Variants in NRG3 observed in about 807,000 individuals in gnomAD.
NRG3 encodes neuregulin 3, also known as pro-neuregulin-3, membrane-bound isoform.
A neutral mutation model predicts 66.9 loss-of-function variants in NRG3; 31 were observed. That is an observed-to-expected ratio of 0.46 (90% CI 0.35 to 0.63). The LOEUF is 0.63. NRG3 is among the 20% of genes least tolerant of loss of function. NRG3 has a pLI of 0.00. For synonymous variants in NRG3, 393 were observed against 359.4 expected (o/e 1.09, Z -1.06); for missense variants, 910 against 878.9 (o/e 1.04, Z -0.45).
intron 4 of NRG3, among the ~76,000 whole-genome samples, chr10:82,881,504 T>C (rs1397968441): frequency 6.6e-6 from 1 of 152,154 alleles, no homozygotes; most frequent in African/African-American, 2.4e-5. Context: ...ATAATCAAGA[T>C]GTCTATCTTC....
intron 6 of NRG3, among the ~76,000 whole-genome samples, chr10:82,973,012 T>C (rs1851911520): frequency 6.6e-6 from 1 of 152,216 alleles, no homozygotes; most frequent in Admixed American, 6.5e-5. Context: ...CTTCTATTTC[T>C]AAAGAAAGTC....
chr10:82,280,051 G>A (rs1431049368), intron 1 of NRG3, among the ~76,000 whole-genome samples: 2 of 152,140 alleles, frequency 1.3e-5, no homozygotes, highest in Non-Finnish European at 2.9e-5. Flanking sequence ...TGGGCAGGGG[G>A]ATCAGTTCTG....
chr10:82,738,643 G>A lies in NRG3; in HGVS notation c.1020G>A (p.Ser340=), dbSNP rs748631322. 7 of 1,613,788 alleles carry A rather than the reference G, an allele frequency of 4.3e-6. No homozygotes were observed. The highest frequency in any genetic ancestry group is 2.2e-5 in the East Asian group (1 of 44,882). ...QFLPKTDSIL[S]DPTDHLGIEF... is the part of the protein sequence containing the mutation. ...TGCCGAAAACTGATTCCATCTTATC[G>A]GATCCAAGTAGGTCAAGCATTTTTC... The change falls in exon 3 of 9, where the codon TCG becomes TCA. Residue 340 remains serine, a synonymous_variant. Coordinates refer to ENST00000372141, the MANE Select transcript of NRG3 (RefSeq NM_001010848.4).
intron 2 of NRG3, among the ~76,000 whole-genome samples, chr10:82,723,016 C>T (rs1303749256): frequency 1.3e-5 from 2 of 152,126 alleles, no homozygotes; most frequent in East Asian, 1.9e-4. Context: ...AAGACCCATG[C>T]ACTTGCATGT....
chr10:81,982,455 A>T (rs1258160638), intron 1 of NRG3, among the ~76,000 whole-genome samples: 1 of 152,180 alleles, frequency 6.6e-6, no homozygotes, highest in Non-Finnish European at 1.5e-5. Flanking sequence ...CCACATTTTT[A>T]GGTGTTCAGT....
intron 3 of NRG3, among the ~76,000 whole-genome samples, chr10:82,828,509 CT>C (rs34080646): frequency 0.037 from 5,580 of 152,196 alleles, 154 homozygotes; most frequent in Non-Finnish European, 0.058. Flanking sequence ...GCCCTTTTAC[CT>C]CTGTCTTTAG....
intron 1 of NRG3, among the ~76,000 whole-genome samples, chr10:82,170,045 A>G (rs1035735700): frequency 1.6e-4 from 24 of 149,940 alleles, no homozygotes; most frequent in Admixed American, 8.0e-4. Flanking sequence ...GATATTTTCT[A>G]TCTCCACTGT....
chr10:82,524,650 A>G lies in NRG3; in HGVS notation c.953+165782A>G, dbSNP rs575226337. Among the ~76,000 whole-genome samples, 18 of 152,086 alleles carry G rather than the reference A, an allele frequency of 1.2e-4. No individual in the cohort carries two copies. The South Asian group carries it at 3.3e-3, about 28-fold the overall frequency. On this transcript the variant is annotated intron_variant, in intron 2 of 8. Transcript: ENST00000372141. ...GTTCCAGTAACATATTCAAATTCAT[A>G]TAAGTGGTAATATAAAATCTGCTCT...
At chr10:82,831,119 G>A (rs1280269088) in intron 3 of NRG3, among the ~76,000 whole-genome samples, 1 of 152,124 alleles carries the variant, frequency 6.6e-6, no homozygotes, top group East Asian at 1.9e-4. Context: ...GTTGCTCTAA[G>A]ACTTGAGCTT....
intron 2 of NRG3, among the ~76,000 whole-genome samples, chr10:82,373,616 A>C (rs1017297469): frequency 2.0e-5 from 3 of 152,224 alleles, no homozygotes; most frequent in Non-Finnish European, 4.4e-5. Flanking sequence ...ATAGAGGCTA[A>C]TAATAGGACA....
At chr10:82,162,324 C>A (rs922237217) in intron 1 of NRG3, among the ~76,000 whole-genome samples, 1 of 152,090 alleles carries the variant, frequency 6.6e-6, no homozygotes, top group African/African-American at 2.4e-5. Flanking sequence ...TCCACAAAAT[C>A]ACTGAGCTTT....
At chr10:82,423,341 A>AT (rs1364166095) in intron 2 of NRG3, among the ~76,000 whole-genome samples, 1 of 151,924 alleles carries the variant, frequency 6.6e-6, no homozygotes, top group Non-Finnish European at 1.5e-5. Flanking sequence ...ATAATTATAT[A>AT]TATCTAATGA....
At chr10:81,916,416 T>C (rs1845712871) in intron 1 of NRG3, among the ~76,000 whole-genome samples, 1 of 152,216 alleles carries the variant, frequency 6.6e-6, no homozygotes, top group African/African-American at 2.4e-5. Context: ...GTTTGCTAAC[T>C]GTATGATACA....
In NRG3 at chr10:82,978,858, C is replaced by G. The variant is rs543806726; in HGVS notation, c.1413-92C>G. 554 of 1,306,666 alleles carry G rather than the reference C, an allele frequency of 4.2e-4. 2 individuals are homozygous for G. The highest frequency in any genetic ancestry group is 4.2e-5 in the Non-Finnish European group (40 of 944,870). The allele number at this position is 1,306,666 out of a possible 1,614,324, so 80.9% of individuals were successfully genotyped here. ...ACTTTGAGAATTTGGGGTGCAGATT[C>G]AGTGTTTGCAAAGCTTGAGCAGCCA... On this transcript the variant is annotated intron_variant, in intron 7 of 8. Transcript: ENST00000372141.
rs557002697 is a variant in NRG3 at position 82,243,649 on chromosome 10, G to A, written c.824-115090G>A. 6.6e-5 allele frequency among the ~76,000 whole-genome samples: 10 copies of A among 152,112 alleles called. No individual in the cohort carries two copies. The East Asian group carries it at 1.4e-3, about 21-fold the overall frequency. ...TTCTGAAGGAAAATAACTATCTTTC[G>A]GTCTGAATTGTCATGATTATATAAA... On this transcript the variant is annotated intron_variant, in intron 1 of 8. Coordinates refer to ENST00000372141, the MANE Select transcript of NRG3 (RefSeq NM_001010848.4).
chr10:82,951,013 G>C (rs1192095742), intron 4 of NRG3, among the ~76,000 whole-genome samples: 2 of 152,108 alleles, frequency 1.3e-5, no homozygotes, highest in Non-Finnish European at 2.9e-5. Context: ...AGGAAGAATG[G>C]GAGGCTGACA....
chr10:82,616,892 C>A (rs1307566635), intron 2 of NRG3, among the ~76,000 whole-genome samples: 2 of 152,128 alleles, frequency 1.3e-5, no homozygotes, highest in African/African-American at 4.8e-5. Flanking sequence ...TTTTTCTCAA[C>A]CTATGTCAGT....
intron 1 of NRG3, among the ~76,000 whole-genome samples, chr10:82,209,864 T>C (rs1392920577): frequency 6.6e-6 from 1 of 152,186 alleles, no homozygotes; most frequent in Non-Finnish European, 1.5e-5. Flanking sequence ...ATCTCTTCCA[T>C]GCAATGTCAA....
chr10:82,281,426 A>T (rs899141570), intron 1 of NRG3, among the ~76,000 whole-genome samples: 1 of 152,150 alleles, frequency 6.6e-6, no homozygotes, highest in East Asian at 1.9e-4. Context: ...GACCTGGGGT[A>T]CTAGATAAGA....
Sources: gnomAD v4.1 joint callset for allele counts (sites outside exome capture counted in the v4.1 genomes callset) on GRCh38, gnomAD v4.1.1 for gene constraint, MANE v1.5 for transcripts, NCBI Gene and HGNC (gene_info 2026-07-23, HGNC 2026-07-21) for gene names.